The following BMP2K variants were observed in gnomAD, a reference collection of about 807,000 sequenced individuals.
BMP2K encodes the protein BMP-2-inducible protein kinase.
BMP2K carries 74 observed loss-of-function variants against 116.0 expected under a neutral mutation model. That is an observed-to-expected ratio of 0.64 (90% CI 0.53 to 0.77). The LOEUF (loss-of-function observed/expected upper bound fraction) is 0.77. Among genes scored for constraint, BMP2K ranks in the 30% least tolerant of loss-of-function variants. BMP2K has a pLI of 0.00. For synonymous variants in BMP2K, 486 were observed against 502.5 expected (o/e 0.97, Z 0.44); for missense variants, 1,365 against 1,403.6 (o/e 0.97, Z 0.44).
intron 6 of BMP2K, among the ~76,000 whole-genome samples, chr4:78,848,287 G>C (rs1731103228): frequency 6.6e-6 from 1 of 151,370 alleles, no homozygotes; most frequent in African/African-American, 2.4e-5. Flanking sequence ...TTATTAATTT[G>C]GTACTACTTA....
chr4:78,829,775 CTTTTCTTT>C (rs1437671112), intron 2 of BMP2K, among the ~76,000 whole-genome samples: 5 of 113,358 alleles, frequency 4.4e-5, no homozygotes, highest in South Asian at 3.0e-4. Context: ...CTTTTCTTTT[CTTTTCTTT>C]TCTTTTCTCT....
intron 1 of BMP2K, among the ~76,000 whole-genome samples, chr4:78,803,921 C>T (rs1728691919): frequency 6.6e-6 from 1 of 152,126 alleles, no homozygotes; most frequent in Admixed American, 6.5e-5. Flanking sequence ...GAACTAGTTT[C>T]AGTCTGGAAC....
chr4:78,778,460 C>T, intron 1 of BMP2K, among the ~76,000 whole-genome samples: 1 of 152,202 alleles, frequency 6.6e-6, no homozygotes, highest in East Asian at 1.9e-4. Flanking sequence ...TGTATCATTT[C>T]TCTTGAAAAG....
rs569805135 is a variant in BMP2K at position 78,914,597 on chromosome 4, T to A, written c.*2564T>A. ...TTATGAGAATAAAGCTCCCAAGATATGTGAAAGTGCTTAACACAGTACCTG... is the reference window on the plus strand; with the variant it reads ...TTATGAGAATAAAGCTCCCAAGATAAGTGAAAGTGCTTAACACAGTACCTG... On this transcript the variant is annotated 3_prime_UTR_variant, in exon 16 of 16. Coordinates refer to ENST00000502613, the MANE Select transcript of BMP2K (RefSeq NM_198892.2). 1 of 151,962 alleles carries A rather than the reference T, an allele frequency of 6.6e-6. No homozygotes were observed. The highest frequency in any genetic ancestry group is 1.5e-5 in the Non-Finnish European group (1 of 67,920). 9.4% of individuals were successfully genotyped at this position (151,962 alleles called of 1,614,324 possible). A position where few individuals can be genotyped will look rare whatever the true frequency, so the allele number is the denominator to read the frequency against.
intron 14 of BMP2K, among the ~76,000 whole-genome samples, chr4:78,883,900 A>G (rs913478713): frequency 6.6e-6 from 1 of 152,084 alleles, no homozygotes; most frequent in African/African-American, 2.4e-5. Context: ...TGTGTCTACA[A>G]AAAATTAAAA....
chr4:78,910,012 T>G (rs1734497436), intron 15 of BMP2K, among the ~76,000 whole-genome samples: 1 of 152,208 alleles, frequency 6.6e-6, no homozygotes, highest in East Asian at 1.9e-4. Context: ...GGAAGTCATA[T>G]CATCTAGAGA....
intron 2 of BMP2K, among the ~76,000 whole-genome samples, chr4:78,830,688 T>C (rs1340957535): frequency 6.6e-6 from 1 of 152,266 alleles, no homozygotes; most frequent in Non-Finnish European, 1.5e-5. Flanking sequence ...TAATATGTGC[T>C]GGAAATGGCT....
At chr4:78,807,395 T>C (rs1044041156) in intron 1 of BMP2K, among the ~76,000 whole-genome samples, 1 of 151,224 alleles carries the variant, frequency 6.6e-6, no homozygotes, top group Non-Finnish European at 1.5e-5. Context: ...TTGGTCTGTA[T>C]TTTTTTTTCT....
chr4:78,779,400 T>A (rs1033785042), intron 1 of BMP2K, among the ~76,000 whole-genome samples: 3 of 152,234 alleles, frequency 2.0e-5, no homozygotes, highest in Non-Finnish European at 2.9e-5. Context: ...GACAGCACTT[T>A]AGCACTACGC....
intron 1 of BMP2K, 73 bp downstream of exon 1, chr4:78,776,794 C>T (rs1727270625): frequency 8.5e-7 from 1 of 1,180,868 alleles, no homozygotes; most frequent in Non-Finnish European, 1.1e-6. Context: ...TCTCCGGGTC[C>T]TCGCCCTCCG....
chr4:78,817,452 AT>A (rs745528745), intron 1 of BMP2K, among the ~76,000 whole-genome samples: 37 of 152,280 alleles, frequency 2.4e-4, no homozygotes, highest in Non-Finnish European at 4.9e-4. Context: ...TACGCTTACA[AT>A]TACTCTTCTA....
At chr4:78,783,630 A>G (rs1273830604) in intron 1 of BMP2K, among the ~76,000 whole-genome samples, 1 of 152,068 alleles carries the variant, frequency 6.6e-6, no homozygotes, top group East Asian at 1.9e-4. Context: ...ACAGGGTGAA[A>G]CCCCATCTCT....
At chr4:78,793,758 A>G (rs1231735318) in intron 1 of BMP2K, among the ~76,000 whole-genome samples, 1 of 152,228 alleles carries the variant, frequency 6.6e-6, no homozygotes, top group African/African-American at 2.4e-5. Flanking sequence ...TTAATATGAA[A>G]AAAGAACATA....
At chr4:78,910,128 A>G (rs564320574) in intron 15 of BMP2K, among the ~76,000 whole-genome samples, 17 of 152,336 alleles carry the variant, frequency 1.1e-4, no homozygotes, top group East Asian at 1.9e-4. Context: ...AAAAAATACA[A>G]TGCTGATTTA....
intron 14 of BMP2K, among the ~76,000 whole-genome samples, chr4:78,882,831 G>A (rs913124115): frequency 6.6e-6 from 1 of 151,960 alleles, no homozygotes; most frequent in Non-Finnish European, 1.5e-5. Context: ...GCCACAGAAT[G>A]ATAATGGCTA....
chr4:78,874,301 G>T (rs185365405), intron 13 of BMP2K, among the ~76,000 whole-genome samples: 12 of 151,926 alleles, frequency 7.9e-5, no homozygotes, highest in Non-Finnish European at 1.3e-4. Flanking sequence ...TAATAAATTA[G>T]TAACATTATT....
At chr4:78,889,151 G>A (rs561542329) in intron 15 of BMP2K, among the ~76,000 whole-genome samples, 41 of 151,264 alleles carry the variant, frequency 2.7e-4, no homozygotes, top group African/African-American at 9.5e-4. Context: ...AACCCGGGAG[G>A]CGGAGTTTGC....
chr4:78,910,788 T>C lies in BMP2K; in HGVS notation c.2241T>C (p.Asp747=), dbSNP rs1734546093. 7.4e-6 allele frequency: 12 copies of C among 1,613,630 alleles called. No homozygotes were observed. Among genetic ancestry groups the C allele is most frequent in the Non-Finnish European group, 1.0e-5 (12 of 1,179,852 alleles). ...NDESESDFES[D]PPSPKSSEEE... ...AATCTGAAAGTGATTTTGAATCAGA[T>C]CCCCCTTCTCCTAAGAGCAGTGAAG... The change falls in exon 16 of 16, where the codon GAT becomes GAC. Residue 747 remains aspartate, a synonymous_variant. Coordinates refer to ENST00000502613, the MANE Select transcript of BMP2K (RefSeq NM_198892.2).
In BMP2K at chr4:78,911,589, T is replaced by C; in HGVS notation, c.3042T>C (p.Thr1014=). The change falls in exon 16 of 16, where the codon ACT becomes ACC. Residue 1014 remains threonine (T), a synonymous_variant. Coordinates refer to ENST00000502613, the MANE Select transcript of BMP2K (RefSeq NM_198892.2). ...AGACTTTGAAGCCTACCTATCGCAC[T>C]CCAGAGAGGGCTCGCAGGCACAAAA... is the stretch of plus-strand genomic sequence containing the variant. ...TKKTLKPTYR[T]PERARRHKKV... 6.2e-7 allele frequency: 1 copy of C among 1,613,920 alleles called. No homozygotes were observed. The highest frequency in any genetic ancestry group is 8.5e-7 in the Non-Finnish European group (1 of 1,179,866).
Sources: gnomAD v4.1 joint callset for allele counts (sites outside exome capture counted in the v4.1 genomes callset) on GRCh38, gnomAD v4.1.1 for gene constraint, MANE v1.5 for transcripts, NCBI Gene and HGNC (gene_info 2026-07-23, HGNC 2026-07-21) for gene names.